Variants in SIRT7 observed in about 807,000 individuals in gnomAD.
SIRT7 encodes NAD-dependent protein deacetylase sirtuin-7.
Under a neutral mutation model 42.8 loss-of-function variants are expected in SIRT7, and 32 were observed. The ratio of observed to expected loss-of-function variants is 0.75; its 90% confidence interval spans 0.56 to 1.00. The LOEUF is 1.00. SIRT7 is among the 50% of genes least tolerant of loss of function. SIRT7 has a pLI of 0.00. For synonymous variants in SIRT7, 297 were observed against 245.2 expected (o/e 1.21, Z -1.97); for missense variants, 553 against 572.2 (o/e 0.97, Z 0.34).
In SIRT7 at chr17:81,913,810, A is replaced by T; in HGVS notation, c.968T>A (p.Met323Lys). The change falls in exon 9 of 10, where the codon ATG (methionine) becomes AAG (lysine). Residue 323 changes from methionine (M) to lysine (K), a missense_variant. Coordinates refer to ENST00000328666, the MANE Select transcript of SIRT7 (RefSeq NM_016538.3). The surrounding 1 kb of genome is among the most constrained non-coding windows in gnomAD (Gnocchi z 5.0). ...GKCDDVMRLL[M>K]AELGLEIPAY... ...GGGGATCTCCAAGCCCAGCTCGGCCATGAGGAGCCGCATGACGTCATCACA... is the reference window on the plus strand; with the variant it reads ...GGGGATCTCCAAGCCCAGCTCGGCCTTGAGGAGCCGCATGACGTCATCACA... The T allele has an allele frequency of 6.5e-7, 1 of 1,549,230 alleles. No individual in the cohort carries two copies. The highest frequency in any genetic ancestry group is 8.7e-7 in the Non-Finnish European group (1 of 1,147,132).
Position 81,915,529 on chromosome 17 carries a change from A to C in SIRT7, c.408-17T>G, listed in dbSNP as rs373276483. ...TCGGCAGCACTGCCAGGCAGAAAGG[A>C]AGGCAAGGTGAGGAGAGCTGGAGCT... On this transcript the variant is annotated splice_polypyrimidine_tract_variant and intron_variant, in intron 4 of 9. Coordinates refer to ENST00000328666, the MANE Select transcript of SIRT7 (RefSeq NM_016538.3). The C allele has an allele frequency of 1.4e-5, 23 of 1,613,488 alleles. No individual in the cohort carries two copies. In the African/African-American group the frequency reaches 1.6e-4, roughly 11 times the overall value.
In SIRT7 at chr17:81,914,282, A is replaced by G; in HGVS notation, c.816+12T>C. On this transcript the variant is annotated intron_variant, in intron 7 of 9. Coordinates refer to ENST00000328666, the MANE Select transcript of SIRT7 (RefSeq NM_016538.3). ...AGGGGCTCGGTTCACTCATTGTGTCATCGGCACGTACCTTCAGGCTGGACC... is the reference window on the plus strand; with the variant it reads ...AGGGGCTCGGTTCACTCATTGTGTCGTCGGCACGTACCTTCAGGCTGGACC... The G allele has an allele frequency of 6.2e-7, 1 of 1,612,946 alleles. No individual in the cohort carries two copies. The highest frequency in any genetic ancestry group is 1.1e-5 in the South Asian group (1 of 91,070).
Position 81,914,492 on chromosome 17 carries a change from C to T in SIRT7, c.618G>A (p.Arg206=). Residue 206 remains arginine, a synonymous_variant, in exon 7 of 10, where the codon CGG becomes CGA. Transcript: ENST00000328666. ...TSCVPNREYV[R]VFDVTERTAL... ...CAGTGCGCTCCGTCACATCGAACAC[C>T]CGCACGTACTCCCTGTTGGGAACGC... 6.2e-7 allele frequency: 1 copy of T among 1,613,226 alleles called. No individual in the cohort carries two copies. The highest frequency in any genetic ancestry group is 8.5e-7 in the Non-Finnish European group (1 of 1,180,032).
intron 5 of SIRT7, 160 bp downstream of exon 5, chr17:81,915,280 T>TCAAG: frequency 1.4e-6 from 1 of 723,582 alleles, no homozygotes; most frequent in South Asian, 1.7e-5. Context: ...TCCTGGAGAG[T>TCAAG]CAAGCACAGG....
chr17:81,914,677 C>T lies in SIRT7; in HGVS notation c.506G>A (p.Cys169Tyr), dbSNP rs1357922380. 2 of 1,612,808 alleles carry T rather than the reference C, an allele frequency of 1.2e-6. No individual in the cohort carries two copies. The highest frequency in any genetic ancestry group is 1.7e-6 in the Non-Finnish European group (2 of 1,180,016). ...CCCACTCCTCAGGTGGAGCCCGTCACAGTTCTGAGACACCACATGCTGCAC... is the reference window on the plus strand; with the variant it reads ...CCCACTCCTCAGGTGGAGCCCGTCATAGTTCTGAGACACCACATGCTGCAC... ...KLVQHVVSQN[C>Y]DGLHLRSGLP... is the part of the protein sequence containing the mutation. The change falls in exon 6 of 10, where the codon TGT (cysteine) becomes TAT (tyrosine). Residue 169 changes from cysteine to tyrosine, a missense_variant. Physicochemically the swap from Cys to Tyr is radical, Grantham distance 194. Coordinates refer to ENST00000328666, the MANE Select transcript of SIRT7 (RefSeq NM_016538.3).
intron 9 of SIRT7, chr17:81,912,979 T>G: frequency 2.6e-6 from 1 of 379,378 alleles, no homozygotes. Flanking sequence ...CTTCCACTTG[T>G]ACCGCTGGGG....
Position 81,917,886 on chromosome 17 carries a change from TTACCAGGTCCGC to T in SIRT7, c.163_174del (p.Ala55_Val58del). ...CGCCGGCTCCGGCCCTGCAGCTCCG[TTACCAGGTCCGC>T]GCTCTCGGCCAGCAGCCGGCCCTCC... On this transcript the variant is annotated inframe_deletion, in exon 2 of 10. Coordinates refer to ENST00000328666, the MANE Select transcript of SIRT7 (RefSeq NM_016538.3). 1 of 1,436,918 alleles carries T rather than the reference TTACCAGGTCCGC, an allele frequency of 7.0e-7. No homozygotes were observed. Among genetic ancestry groups the T allele is most frequent in the Non-Finnish European group, 9.1e-7 (1 of 1,098,094 alleles). The allele number at this position is 1,436,918 out of a possible 1,614,324, so 89.0% of individuals were successfully genotyped here.
rs201095709 is a variant in SIRT7, at chr17:81,911,988, G to A, written c.*428C>T. ...AATAAAAAGGTCTGCATAGAGCCGA[G>A]GCTCGGAGCCACCCCTCTGCCGCAC... On this transcript the variant is annotated 3_prime_UTR_variant, in exon 10 of 10. Coordinates refer to ENST00000328666, the MANE Select transcript of SIRT7 (RefSeq NM_016538.3). The A allele has an allele frequency of 8.6e-6, 2 of 231,962 alleles. No homozygotes were observed. The highest frequency in any genetic ancestry group is 2.4e-5 in the African/African-American group (1 of 42,410). 14.4% of individuals were successfully genotyped at this position (231,962 alleles called of 1,614,324 possible). A position where few individuals can be genotyped will look rare whatever the true frequency, so the allele number is the denominator to read the frequency against.
In SIRT7 at chr17:81,914,135, C is replaced by T; in HGVS notation, c.849G>A (p.Met283Ile). Residue 283 changes from methionine (M) to isoleucine (I), a missense_variant, in exon 8 of 10, where the codon ATG (methionine) becomes ATA (isoleucine). Coordinates refer to ENST00000328666, the MANE Select transcript of SIRT7 (RefSeq NM_016538.3). The part of the protein sequence containing the change: ...VLKKYPRLWC[M>I]TKPPSRRPKL... ...TCGGCCGCCGGCTAGGGGGCTTGGT[C>T]ATGCACCAGAGGCGTGGGTACTTCT... is the stretch of plus-strand genomic sequence containing the variant. 1.2e-6 allele frequency: 2 copies of T among 1,613,636 alleles called. No homozygotes were observed. Among genetic ancestry groups the T allele is most frequent in the South Asian group, 1.1e-5 (1 of 91,074 alleles).
At chr17:81,917,291 C>T (rs2040822444) in intron 3 of SIRT7, 2 of 249,036 alleles carry the variant, frequency 8.0e-6, no homozygotes, top group Non-Finnish European at 1.5e-5. Flanking sequence ...TATTCTGGCT[C>T]TTACTGTGTC....
In SIRT7 at chr17:81,912,506, G is replaced by A; in HGVS notation, c.1113C>T (p.Asp371=). The A allele has an allele frequency of 6.2e-7, 1 of 1,613,864 alleles. No individual in the cohort carries two copies. Among genetic ancestry groups the A allele is most frequent in the Non-Finnish European group, 8.5e-7 (1 of 1,179,976 alleles). Residue 371 remains aspartate (D), a synonymous_variant, in exon 10 of 10, where the codon GAC becomes GAT. Coordinates refer to ENST00000328666, the MANE Select transcript of SIRT7 (RefSeq NM_016538.3). ...GGGCCGAGCTAAGCGGTGCACCCCG[G>A]TCCCCAGGCGGGGCCTCCTCTCTGC... ...CRSREEAPPG[D]RGAPLSSAPI...
rs2040840344 is a variant in SIRT7, at chr17:81,918,019, G to T, written c.93+20C>A. On this transcript the variant is annotated intron_variant, in intron 1 of 9. Transcript: ENST00000328666. ...GGCGCGGGCCGGGCATGGCCGGGCCGGGGAGCGGCGGCGGCGTACCTGGCG... is the reference window on the plus strand; with the variant it reads ...GGCGCGGGCCGGGCATGGCCGGGCCTGGGAGCGGCGGCGGCGTACCTGGCG... The T allele has an allele frequency of 7.0e-7, 1 of 1,426,740 alleles. No homozygotes were observed. The highest frequency in any genetic ancestry group is 9.1e-7 in the Non-Finnish European group (1 of 1,096,288). 88.4% of individuals were successfully genotyped at this position (1,426,740 alleles called of 1,614,324 possible).
In SIRT7 at chr17:81,913,035, G is replaced by A. The variant is rs1022411813; in HGVS notation, c.1005-421C>T. ...CCCCTTCCCAGCTGACTAGGGAGGC[G>A]TGGCCTACAGACGACCCCGTGAAGA... On this transcript the variant is annotated intron_variant, in intron 9 of 9. Transcript: ENST00000328666. This position sits in a 1 kb window ranked among gnomAD's most constrained non-coding sequence, Gnocchi z 5.0. 1.4e-5 allele frequency: 5 copies of A among 358,938 alleles called. No individual in the cohort carries two copies. The highest frequency in any genetic ancestry group is 7.8e-5 in the East Asian group (1 of 12,804). 22.2% of individuals were successfully genotyped at this position (358,938 alleles called of 1,614,324 possible).
intron 3 of SIRT7, chr17:81,917,314 T>A (rs546915593): frequency 3.4e-6 from 1 of 294,088 alleles, no homozygotes; most frequent in East Asian, 5.5e-5. Context: ...TTTCTACTTA[T>A]CTTCCCTCGA....
chr17:81,915,782 C>T (rs753185095), intron 3 of SIRT7, 101 bp from the exon 4 acceptor site: 318 of 1,323,576 alleles, frequency 2.4e-4, no homozygotes, highest in Non-Finnish European at 3.2e-4. Context: ...TGCCGCATTC[C>T]GGGCTGGCCT....
At chr17:81,912,718 T>G in intron 9 of SIRT7, 104 bp from the exon 10 acceptor site, 1 of 1,232,562 alleles carries the variant, frequency 8.1e-7, no homozygotes, top group Non-Finnish European at 1.2e-6. Context: ...TCCCATCCCC[T>G]TCCCTCCCGT....
intron 8 of SIRT7, 75 bp downstream of exon 8, chr17:81,914,012 C>T (rs2040743159): frequency 6.3e-7 from 1 of 1,587,320 alleles, no homozygotes; most frequent in Non-Finnish European, 8.6e-7. Flanking sequence ...CGCCCTGGTG[C>T]ATGGGTGTGG....
rs145347143 is a variant in SIRT7 at position 81,914,515 on chromosome 17, C to T, written c.595G>A (p.Val199Ile). The change falls in exon 7 of 10, where the codon GTT (valine) becomes ATT (isoleucine). Residue 199 changes from valine (V) to isoleucine (I), a missense_variant. Physicochemically the swap from Val to Ile is conservative, Grantham distance 29 (BLOSUM62 3). Coordinates refer to ENST00000328666, the MANE Select transcript of SIRT7 (RefSeq NM_016538.3). Reference sequence around the variant, plus strand: ...ACCCGCACGTACTCCCTGTTGGGAACGCAGGAGGTACAGACCTAGAGGCAA... The same window carrying T: ...ACCCGCACGTACTCCCTGTTGGGAATGCAGGAGGTACAGACCTAGAGGCAA... Reference protein sequence around the residue: ...NMYIEVCTSCVPNREYVRVFD... With the variant: ...NMYIEVCTSCIPNREYVRVFD... 2.2e-4 allele frequency: 350 copies of T among 1,613,214 alleles called. 2 individuals are homozygous for T. The African/African-American group carries it at 3.8e-3, about 18-fold the overall frequency.
intron 5 of SIRT7, chr17:81,914,962 AC>A (rs2040767187): frequency 1.8e-6 from 1 of 547,746 alleles, no homozygotes; most frequent in Non-Finnish European, 3.3e-6. Context: ...AAGAGGTTGC[AC>A]CGTCCCGGCA....
Sources: gnomAD v4.1 joint callset for allele counts on GRCh38, gnomAD v4.1.1 for gene constraint, Gnocchi (gnomAD v3.1) non-coding constraint, MANE v1.5 for transcripts, NCBI Gene and HGNC (gene_info 2026-07-23, HGNC 2026-07-21) for gene names.